FBXL20: variants seen among roughly 807,000 people sequenced by gnomAD.
FBXL20 encodes the protein F-box/LRR-repeat protein 20.
In FBXL20, 11 loss-of-function variants were observed where a neutral mutation model predicts 64.0. That is an observed-to-expected ratio of 0.17 (90% CI 0.11 to 0.28). The LOEUF (loss-of-function observed/expected upper bound fraction) is 0.28, where lower values mean the gene tolerates loss of function less well. Ranked by LOEUF, FBXL20 falls within the 10% of genes least tolerant of loss-of-function variation. The pLI is 1.00. For missense variants in FBXL20, 303 were observed against 526.2 expected (o/e 0.58, Z 4.15); for synonymous variants, 184 against 189.0 (o/e 0.97, Z 0.22).
At chr17:39,370,727 G>A (rs547678701) in intron 1 of FBXL20, among the ~76,000 whole-genome samples, 3 of 150,692 alleles carry the variant, frequency 2.0e-5, no homozygotes, top group East Asian at 1.9e-4. Context: ...CCTGGGAGGC[G>A]GAGCTTGCAG....
intron 1 of FBXL20, among the ~76,000 whole-genome samples, chr17:39,357,749 T>A (rs970057495): frequency 6.6e-6 from 1 of 152,192 alleles, no homozygotes; most frequent in Non-Finnish European, 1.5e-5. Flanking sequence ...AAAGAAACAT[T>A]TACTTATTGT....
At chr17:39,345,913 G>A (rs2047628597) in intron 1 of FBXL20, among the ~76,000 whole-genome samples, 1 of 152,160 alleles carries the variant, frequency 6.6e-6, no homozygotes, top group African/African-American at 2.4e-5. Flanking sequence ...GAGCATGCCT[G>A]TTATGTTTGG....
At chr17:39,401,892 A>G (rs934864688), upstream of FBXL20, 1 of 384,386 alleles carries the variant, frequency 2.6e-6, no homozygotes, top group East Asian at 4.7e-5. Context: ...GAGGCAGGGA[A>G]GTGCCTGTGC....
At chr17:39,388,976 C>A (rs943197091) in intron 1 of FBXL20, among the ~76,000 whole-genome samples, 1 of 150,202 alleles carries the variant, frequency 6.7e-6, no homozygotes, top group East Asian at 2.0e-4. Context: ...TGGTGGCAGG[C>A]GCCTATAATC....
chr17:39,277,857 ATTT>A (rs1225105523), intron 9 of FBXL20, among the ~76,000 whole-genome samples: 1 of 152,078 alleles, frequency 6.6e-6, no homozygotes, highest in Non-Finnish European at 1.5e-5. Flanking sequence ...CACCTCAATA[ATTT>A]TGGGCAGAGC....
At chr17:39,298,756 T>C (rs2047108555) in intron 5 of FBXL20, among the ~76,000 whole-genome samples, 1 of 152,098 alleles carries the variant, frequency 6.6e-6, no homozygotes, top group Non-Finnish European at 1.5e-5. Flanking sequence ...AAAAAACTTA[T>C]TCAAAGCTCC....
At chr17:39,291,119 G>A (rs1379004638) in intron 6 of FBXL20, among the ~76,000 whole-genome samples, 4 of 151,730 alleles carry the variant, frequency 2.6e-5, no homozygotes, top group Non-Finnish European at 5.9e-5. Flanking sequence ...CTGCCACCAC[G>A]CCCGGCTAAC....
intron 1 of FBXL20, among the ~76,000 whole-genome samples, chr17:39,355,028 T>G (rs1014528778): frequency 6.6e-5 from 10 of 152,198 alleles, no homozygotes; most frequent in African/African-American, 2.4e-4. Context: ...GCCTCCCTGG[T>G]TCAAGTGATT....
In FBXL20 at chr17:39,265,387, T is replaced by C; in HGVS notation, c.990+10A>G. ...CAGTAAACACATAAAGTTTTCAAAG[T>C]TAAACTCACCAATACTTGAAGTCGA... On this transcript the variant is annotated intron_variant, in intron 13 of 14. Coordinates refer to ENST00000264658, the MANE Select transcript of FBXL20 (RefSeq NM_032875.3). The C allele has an allele frequency of 6.2e-7, 1 of 1,604,350 alleles. No homozygotes were observed.
At chr17:39,378,799 CAG>C (rs1452909987) in intron 1 of FBXL20, among the ~76,000 whole-genome samples, 2 of 151,500 alleles carry the variant, frequency 1.3e-5, no homozygotes, top group Non-Finnish European at 2.9e-5. Flanking sequence ...TTAATAGAGA[CAG>C]AGTTTCACTA....
intron 5 of FBXL20, among the ~76,000 whole-genome samples, chr17:39,298,314 G>A (rs2047104690): frequency 6.6e-6 from 1 of 152,030 alleles, no homozygotes; most frequent in Non-Finnish European, 1.5e-5. Context: ...AGAGATGGGA[G>A]CCTTGCCATG....
chr17:39,378,496 G>A (rs2047991646), intron 1 of FBXL20, among the ~76,000 whole-genome samples: 1 of 152,084 alleles, frequency 6.6e-6, no homozygotes, highest in African/African-American at 2.4e-5. Context: ...TTTCTACAAA[G>A]GAGATAGACA....
intron 1 of FBXL20, among the ~76,000 whole-genome samples, chr17:39,345,238 T>C (rs1218569803): frequency 6.6e-6 from 1 of 152,090 alleles, no homozygotes; most frequent in Non-Finnish European, 1.5e-5. Flanking sequence ...GCTCTTGCAC[T>C]ACAATGAAGA....
At chr17:39,268,764 G>A in intron 12 of FBXL20, 63 bp downstream of exon 12, 1 of 1,395,062 alleles carries the variant, frequency 7.2e-7, no homozygotes, top group South Asian at 1.2e-5. Context: ...TGCACATTCT[G>A]ATGTTGTGTA....
chr17:39,394,961 G>A lies in FBXL20; in HGVS notation c.42+6400C>T, dbSNP rs578118619. Among the ~76,000 whole-genome samples the A allele has an allele frequency of 2.6e-5, 4 of 152,128 alleles. No homozygotes were observed. The East Asian group carries it at 7.7e-4, about 29-fold the overall frequency. On this transcript the variant is annotated intron_variant, in intron 1 of 14. Transcript: ENST00000264658. Reference sequence around the variant, plus strand: ...AGAGTAGGAATGAGATCCTTGGCCTGTAAGAAAGCACTTATAAATTTGCAA... The same window carrying A: ...AGAGTAGGAATGAGATCCTTGGCCTATAAGAAAGCACTTATAAATTTGCAA...
chr17:39,365,515 A>T (rs946594056), intron 1 of FBXL20, among the ~76,000 whole-genome samples: 12 of 152,212 alleles, frequency 7.9e-5, no homozygotes, highest in African/African-American at 2.7e-4. Flanking sequence ...TTAATAGGTC[A>T]AACTTTCTGC....
At chr17:39,375,580 T>C (rs2047959445) in intron 1 of FBXL20, among the ~76,000 whole-genome samples, 3 of 152,228 alleles carry the variant, frequency 2.0e-5, no homozygotes, top group Non-Finnish European at 4.4e-5. Flanking sequence ...CTTAAGGTGA[T>C]GGATACCCAA....
At position 39,254,393 on chromosome 17, in the gene FBXL20, G is replaced by T. The variant is rs182970779; in HGVS notation, c.*7067C>A. 17 of 152,396 alleles carry T rather than the reference G, an allele frequency of 1.1e-4. No homozygotes were observed. Among genetic ancestry groups the T allele is most frequent in the Non-Finnish European group, 2.5e-4 (17 of 68,072 alleles). 9.4% of individuals were successfully genotyped at this position (152,396 alleles called of 1,614,324 possible). On this transcript the variant is annotated 3_prime_UTR_variant, in exon 15 of 15. Coordinates refer to ENST00000264658, the MANE Select transcript of FBXL20 (RefSeq NM_032875.3). ...TTAACAAAAAAGACGTCACTTCAAA[G>T]ATGATCCTTGGTTCTTGGGGCATGA... is the stretch of plus-strand genomic sequence containing the variant.
intron 7 of FBXL20, among the ~76,000 whole-genome samples, chr17:39,283,068 C>T (rs571273834): frequency 6.6e-6 from 1 of 152,286 alleles, no homozygotes; most frequent in African/African-American, 2.4e-5. Flanking sequence ...TCCAGCTTAA[C>T]CAACAAACAC....
Sources: allele counts gnomAD v4.1 joint callset (sites outside exome capture counted in the v4.1 genomes callset), GRCh38; gene constraint gnomAD v4.1.1; transcripts MANE v1.5; gene names NCBI Gene and HGNC (gene_info 2026-07-23, HGNC 2026-07-21).